The following KIAA1217 variants were observed in gnomAD, a reference collection of about 807,000 sequenced individuals.
KIAA1217 encodes the protein KIAA1217.
KIAA1217 carries 88 observed loss-of-function variants against 163.9 expected under a neutral mutation model. The ratio of observed to expected loss-of-function variants is 0.54; its 90% CI spans 0.45 to 0.64. The LOEUF is 0.64. KIAA1217 is among the 30% of genes least tolerant of loss of function. KIAA1217 has a pLI of 0.00. For missense variants in KIAA1217, 2,372 were observed against 2,475.0 expected (o/e 0.96, Z 0.88); for synonymous variants, 903 against 923.1 (o/e 0.98, Z 0.39).
chr10:24,326,131 T>C (rs1398491166), intron 2 of KIAA1217, among the ~76,000 whole-genome samples: 2 of 152,196 alleles, frequency 1.3e-5, no homozygotes, highest in South Asian at 4.1e-4. Context: ...AGAACTTTAC[T>C]TCATTTCCAG....
chr10:23,741,739 G>A (rs1257501904), intron 1 of KIAA1217, among the ~76,000 whole-genome samples: 1 of 152,148 alleles, frequency 6.6e-6, no homozygotes, highest in Admixed American at 6.5e-5. Flanking sequence ...TTTAGTGGGA[G>A]AGCCAAACAT....
chr10:23,742,623 G>C (rs1429932590), intron 1 of KIAA1217, among the ~76,000 whole-genome samples: 1 of 152,152 alleles, frequency 6.6e-6, no homozygotes, highest in Non-Finnish European at 1.5e-5. Flanking sequence ...CATCCTGTGT[G>C]AACTCAGAGC....
chr10:24,263,207 T>G (rs1288246133), intron 2 of KIAA1217, among the ~76,000 whole-genome samples: 2 of 152,224 alleles, frequency 1.3e-5, no homozygotes, highest in Non-Finnish European at 2.9e-5. Flanking sequence ...CACGGAAGAT[T>G]AGCAACTATG....
At chr10:24,342,325 A>G (rs749420680) in intron 2 of KIAA1217, among the ~76,000 whole-genome samples, 5 of 152,240 alleles carry the variant, frequency 3.3e-5, no homozygotes, top group Non-Finnish European at 7.3e-5. Flanking sequence ...GACAGCAGAA[A>G]CAGGACTGAT....
At chr10:24,202,364 G>A (rs2067307978) in intron 2 of KIAA1217, among the ~76,000 whole-genome samples, 1 of 152,158 alleles carries the variant, frequency 6.6e-6, no homozygotes, top group Non-Finnish European at 1.5e-5. Context: ...CAAAGGTAGG[G>A]GGAGAGGAGA....
chr10:24,024,275 C>T (rs1847853663), intron 2 of KIAA1217, among the ~76,000 whole-genome samples: 1 of 151,536 alleles, frequency 6.6e-6, no homozygotes, highest in South Asian at 2.1e-4. Context: ...CCAAAAATTT[C>T]CATTGTCCTC....
At chr10:23,767,668 G>A (rs376867290) in intron 1 of KIAA1217, among the ~76,000 whole-genome samples, 3 of 152,158 alleles carry the variant, frequency 2.0e-5, no homozygotes, top group South Asian at 2.1e-4. Flanking sequence ...GGAAGAGGCC[G>A]TGAACCCTCA....
chr10:24,463,176 T>C (rs1471215523), intron 5 of KIAA1217, among the ~76,000 whole-genome samples: 1 of 152,192 alleles, frequency 6.6e-6, no homozygotes, highest in African/African-American at 2.4e-5. Context: ...CTTTTATCCA[T>C]CCTACAGCAC....
intron 1 of KIAA1217, among the ~76,000 whole-genome samples, chr10:23,847,768 T>G (rs966142925): frequency 3.9e-5 from 6 of 152,090 alleles, no homozygotes; most frequent in East Asian, 1.9e-4. Flanking sequence ...GTTTTTGAAT[T>G]TGTTTGCTCT....
At chr10:23,723,183 T>C (rs539984890) in intron 1 of KIAA1217, among the ~76,000 whole-genome samples, 13 of 152,274 alleles carry the variant, frequency 8.5e-5, no homozygotes, top group Admixed American at 7.2e-4. Flanking sequence ...GACTCTCCTA[T>C]AGCATGCCCC....
intron 2 of KIAA1217, among the ~76,000 whole-genome samples, chr10:24,081,868 A>G (rs2061548759): frequency 6.6e-6 from 1 of 152,194 alleles, no homozygotes; most frequent in Admixed American, 6.5e-5. Context: ...GCAGGTTTTT[A>G]GAATGAGTTG....
chr10:23,892,497 A>G (rs1275201263), intron 1 of KIAA1217, among the ~76,000 whole-genome samples: 1 of 151,876 alleles, frequency 6.6e-6, no homozygotes, highest in Non-Finnish European at 1.5e-5. Context: ...AATATGTTCA[A>G]TGTCTGCTTG....
At chr10:24,187,054 C>T (rs1463672777) in intron 2 of KIAA1217, among the ~76,000 whole-genome samples, 15 of 152,102 alleles carry the variant, frequency 9.9e-5, no homozygotes, top group Admixed American at 9.2e-4. Context: ...CTCATTTTTA[C>T]GATGGTTTTA....
intron 1 of KIAA1217, among the ~76,000 whole-genome samples, chr10:23,726,569 A>G (rs1036516249): frequency 6.6e-6 from 1 of 152,138 alleles, no homozygotes; most frequent in African/African-American, 2.4e-5. Flanking sequence ...TAATTAAACT[A>G]AAGAGCTTCT....
intron 2 of KIAA1217, among the ~76,000 whole-genome samples, chr10:24,023,010 C>T (rs746082817): frequency 6.6e-6 from 1 of 151,368 alleles, no homozygotes; most frequent in Non-Finnish European, 1.5e-5. Flanking sequence ...TCTTTATAGT[C>T]AAGAACAAGA....
At chr10:23,731,223 C>T (rs757922743) in intron 1 of KIAA1217, among the ~76,000 whole-genome samples, 5 of 152,108 alleles carry the variant, frequency 3.3e-5, no homozygotes, top group South Asian at 2.1e-4. Flanking sequence ...CAGAAATTTA[C>T]GCTGAATGAG....
intron 6 of KIAA1217, among the ~76,000 whole-genome samples, chr10:24,493,089 G>T (rs374549221): frequency 6.6e-6 from 1 of 152,254 alleles, no homozygotes; most frequent in East Asian, 1.9e-4. Context: ...CAGGTGATCC[G>T]CCCACCTGGG....
chr10:23,814,568 A>G (rs1039993592), intron 1 of KIAA1217, among the ~76,000 whole-genome samples: 1 of 152,214 alleles, frequency 6.6e-6, no homozygotes, highest in Non-Finnish European at 1.5e-5. Context: ...TGAACAAGTT[A>G]TGGGAAAACT....
At chr10:23,920,200 C>T (rs958765505) in intron 1 of KIAA1217, among the ~76,000 whole-genome samples, 2 of 151,996 alleles carry the variant, frequency 1.3e-5, no homozygotes, top group Non-Finnish European at 2.9e-5. Flanking sequence ...TTTTCTTGCC[C>T]AGCACACCTT....
Sources: gnomAD v4.1 joint callset for allele counts (sites outside exome capture counted in the v4.1 genomes callset) on GRCh38, gnomAD v4.1.1 for gene constraint, MANE v1.5 for transcripts, NCBI Gene and HGNC (gene_info 2026-07-23, HGNC 2026-07-21) for gene names.